The following CCDC195 variants were observed in gnomAD, a reference collection of about 807,000 sequenced individuals.
CCDC195 encodes the protein coiled-coil domain containing 195, also known as coiled-coil domain-containing protein 195.
intron 1 of CCDC195, among the ~76,000 whole-genome samples, chr2:224,711,967 A>G (rs936076831): frequency 2.6e-5 from 4 of 152,242 alleles, no homozygotes; most frequent in African/African-American, 9.6e-5. Flanking sequence ...ATCTGTGACT[A>G]CTTACAAACA....
intron 2 of CCDC195, among the ~76,000 whole-genome samples, chr2:224,705,940 T>G (rs1395934608): frequency 6.6e-6 from 1 of 152,100 alleles, no homozygotes; most frequent in Non-Finnish European, 1.5e-5. Context: ...GTTGGTTAGG[T>G]TCCCATACTA....
chr2:224,706,048 C>T (rs1283521715), intron 2 of CCDC195, among the ~76,000 whole-genome samples: 1 of 151,876 alleles, frequency 6.6e-6, no homozygotes, highest in East Asian at 1.9e-4. Flanking sequence ...AAAAGTAAAA[C>T]ATTATGATAT....
At chr2:224,712,725 G>C (rs1245411458) in intron 1 of CCDC195, among the ~76,000 whole-genome samples, 1 of 152,114 alleles carries the variant, frequency 6.6e-6, no homozygotes. Flanking sequence ...TATTCTTTCT[G>C]AAAGAATAGG....
chr2:224,714,364 T>G (rs886396357), intron 1 of CCDC195, among the ~76,000 whole-genome samples: 5 of 152,228 alleles, frequency 3.3e-5, no homozygotes, highest in Non-Finnish European at 7.3e-5. Flanking sequence ...AGATGCAACT[T>G]ACTTTTCTGT....
At chr2:224,706,165 G>GTATATTGCCTC (rs1697237750) in intron 2 of CCDC195, among the ~76,000 whole-genome samples, 1 of 68,540 alleles carries the variant, frequency 1.5e-5, no homozygotes, top group Admixed American at 1.5e-4. Flanking sequence ...TTTTTACTTT[G>GTATATTGCCTC]TATATTGCCT....
chr2:224,706,977 A>G (rs148011858), intron 2 of CCDC195, among the ~76,000 whole-genome samples: 314 of 151,860 alleles, frequency 2.1e-3, no homozygotes, highest in African/African-American at 7.1e-3. Context: ...CCTTCTTTGA[A>G]GACACATGAC....
chr2:224,708,914 A>T (rs1689269077), intron 2 of CCDC195, among the ~76,000 whole-genome samples: 1 of 152,162 alleles, frequency 6.6e-6, no homozygotes, highest in African/African-American at 2.4e-5. Flanking sequence ...GAAGGTAGGG[A>T]TGCAGAGTGT....
At chr2:224,710,132 T>C (rs572770764) in exon 2 of CCDC195, 3 of 398,608 alleles carry the variant, frequency 7.5e-6, no homozygotes, top group Admixed American at 4.4e-5. Flanking sequence ...GCTCTTTGGG[T>C]GACTTTTCCC....
intron 2 of CCDC195, among the ~76,000 whole-genome samples, chr2:224,705,069 T>G (rs1338771375): frequency 6.6e-6 from 1 of 152,160 alleles, no homozygotes; most frequent in Non-Finnish European, 1.5e-5. Flanking sequence ...TATCTGCCTT[T>G]AAGATTCCCT....
chr2:224,716,155 C>T, exon 1 of CCDC195: 1 of 398,766 alleles, frequency 2.5e-6, no homozygotes, highest in Non-Finnish European at 4.4e-6. Flanking sequence ...ACTGCTGGTG[C>T]TGCATCAGTG....
intron 1 of CCDC195, among the ~76,000 whole-genome samples, chr2:224,710,510 C>T (rs1333046533): frequency 6.6e-6 from 1 of 152,148 alleles, no homozygotes; most frequent in Non-Finnish European, 1.5e-5. Flanking sequence ...TGGTGGCGGG[C>T]ACCTGTAGTC....
At chr2:224,710,466 T>C (rs1219695183) in intron 1 of CCDC195, among the ~76,000 whole-genome samples, 3 of 152,164 alleles carry the variant, frequency 2.0e-5, no homozygotes, top group African/African-American at 7.2e-5. Context: ...TATGAAACCC[T>C]GTATCTACTA....
chr2:224,709,065 C>T (rs1689271979), intron 2 of CCDC195, among the ~76,000 whole-genome samples: 1 of 145,138 alleles, frequency 6.9e-6, no homozygotes. Context: ...TTTTTCTTTT[C>T]TTTCTTTTCC....
Position 224,711,528 on chromosome 2 carries a change from C to G in CCDC195, c.236-1309G>C, listed in dbSNP as rs150355764. On this transcript the variant is annotated intron_variant, in intron 1 of 2. Transcript: ENST00000638102. ...CTGGTGATTATCCAACATCTACTTGCATGTCCAGTGTTGTCCATGTGGCTT... is the reference window on the plus strand; with the variant it reads ...CTGGTGATTATCCAACATCTACTTGGATGTCCAGTGTTGTCCATGTGGCTT... Among the ~76,000 whole-genome samples the G allele has an allele frequency of 2.4e-3, 370 of 152,234 alleles. 1 individual carries two copies. Among genetic ancestry groups the G allele is most frequent in the African/African-American group, 8.6e-3 (358 of 41,542 alleles).
intron 1 of CCDC195, among the ~76,000 whole-genome samples, chr2:224,715,086 G>A (rs938762691): frequency 3.3e-5 from 5 of 151,948 alleles, no homozygotes; most frequent in African/African-American, 9.7e-5. Flanking sequence ...GCGCCACCAC[G>A]CCTGACTAAT....
intron 1 of CCDC195, among the ~76,000 whole-genome samples, chr2:224,711,267 A>G (rs986071015): frequency 6.6e-6 from 1 of 151,706 alleles, no homozygotes; most frequent in African/African-American, 2.4e-5. Context: ...AGATGGAGAG[A>G]TTTGTGGCTT....
At chr2:224,712,729 G>T (rs1689330469) in intron 1 of CCDC195, among the ~76,000 whole-genome samples, 1 of 152,178 alleles carries the variant, frequency 6.6e-6, no homozygotes, top group Non-Finnish European at 1.5e-5. Flanking sequence ...CTTTCTGAAA[G>T]AATAGGTTTA....
intron 1 of CCDC195, among the ~76,000 whole-genome samples, chr2:224,713,801 G>GCA (rs1553549474): frequency 1.2e-4 from 8 of 65,432 alleles, no homozygotes; most frequent in Non-Finnish European, 2.1e-4. Flanking sequence ...TTTTTCACCA[G>GCA]TATTTTTTTT....
chr2:224,704,314 G>T (rs1346945061), intron 2 of CCDC195, among the ~76,000 whole-genome samples: 1 of 152,208 alleles, frequency 6.6e-6, no homozygotes, highest in East Asian at 1.9e-4. Context: ...TACACATCAT[G>T]CCTGAAGAGT....
Sources: gnomAD v4.1 joint callset for allele counts (sites outside exome capture counted in the v4.1 genomes callset) on GRCh38, gnomAD v4.1.1 for gene constraint, MANE v1.5 for transcripts, NCBI Gene and HGNC (gene_info 2026-07-23, HGNC 2026-07-21) for gene names.